The following CEP128 variants were observed in gnomAD, a reference collection of about 807,000 sequenced individuals.
CEP128 encodes centrosomal protein 128kDa.
In CEP128, 132 loss-of-function variants were observed where a neutral mutation model predicts 156.7. The observed-to-expected ratio is 0.84, with a 90% confidence interval of 0.73 to 0.97. The LOEUF is 0.97. CEP128 is among the 50% of genes least tolerant of loss of function. The pLI, the probability that CEP128 is intolerant of heterozygous loss-of-function variation, is 0.00. For missense variants in CEP128, 1,252 were observed against 1,281.9 expected (o/e 0.98, Z 0.36); for synonymous variants, 469 against 448.9 (o/e 1.04, Z -0.57).
chr14:80,785,727 A>G (rs1246339060), intron 14 of CEP128, among the ~76,000 whole-genome samples, 182 bp from the exon 15 acceptor site: 2 of 152,140 alleles, frequency 1.3e-5, no homozygotes, highest in Admixed American at 6.5e-5. Context: ...GTGGGGGGGA[A>G]TATATAATTG....
At chr14:80,518,187 G>C (rs770985745) in intron 23 of CEP128, among the ~76,000 whole-genome samples, 1 of 150,080 alleles carries the variant, frequency 6.7e-6, no homozygotes, top group Non-Finnish European at 1.5e-5. Context: ...TCAGGTGATA[G>C]ATGATTGACT....
intron 23 of CEP128, among the ~76,000 whole-genome samples, chr14:80,512,833 CA>C (rs1204867731): frequency 6.6e-6 from 1 of 151,982 alleles, no homozygotes; most frequent in Non-Finnish European, 1.5e-5. Context: ...AGCAAACTAA[CA>C]AACAAGCAAA....
intron 19 of CEP128, among the ~76,000 whole-genome samples, chr14:80,670,243 C>T (rs1895783519): frequency 6.6e-6 from 1 of 152,074 alleles, no homozygotes; most frequent in South Asian, 2.1e-4. Context: ...TATTACTATC[C>T]AAAAGAATCA....
At chr14:80,661,465 T>C (rs1160861057) in intron 19 of CEP128, among the ~76,000 whole-genome samples, 2 of 152,126 alleles carry the variant, frequency 1.3e-5, no homozygotes, top group East Asian at 3.9e-4. Flanking sequence ...GAGATACAGT[T>C]CTGATTGCGA....
At chr14:80,930,800 C>A (rs1014993016) in intron 2 of CEP128, among the ~76,000 whole-genome samples, 1 of 152,248 alleles carries the variant, frequency 6.6e-6, no homozygotes. Context: ...TGCATCTGTA[C>A]TGCGAGCATC....
intron 3 of CEP128, among the ~76,000 whole-genome samples, chr14:80,915,291 G>C (rs1483808066): frequency 6.6e-6 from 1 of 152,106 alleles, no homozygotes; most frequent in Non-Finnish European, 1.5e-5. Context: ...CAAAGTGCTA[G>C]GATTACAGGC....
intron 19 of CEP128, among the ~76,000 whole-genome samples, chr14:80,622,737 T>C (rs1238930508): frequency 6.6e-6 from 1 of 150,568 alleles, no homozygotes; most frequent in Non-Finnish European, 1.5e-5. Context: ...ATCAGAGAAA[T>C]GCAAATCAAA....
chr14:80,494,874 A>T (rs1887439886), downstream of CEP128, among the ~76,000 whole-genome samples: 1 of 152,192 alleles, frequency 6.6e-6, no homozygotes, highest in Non-Finnish European at 1.5e-5. Context: ...CTGGGTGCAT[A>T]AAACGTTACA....
intron 19 of CEP128, among the ~76,000 whole-genome samples, chr14:80,596,995 C>T (rs868084202): frequency 4.8e-5 from 7 of 144,798 alleles, no homozygotes; most frequent in Admixed American, 1.4e-4. Flanking sequence ...ATACCCTATG[C>T]TCCCACCTCA....
intron 8 of CEP128, among the ~76,000 whole-genome samples, chr14:80,894,860 C>T (rs1404661503): frequency 1.3e-5 from 2 of 151,804 alleles, no homozygotes; most frequent in East Asian, 3.9e-4. Flanking sequence ...CCAAAATGAA[C>T]TCAACATATC....
intron 21 of CEP128, among the ~76,000 whole-genome samples, chr14:80,556,541 A>T (rs1225639228): frequency 1.3e-5 from 2 of 152,144 alleles, no homozygotes; most frequent in Non-Finnish European, 2.9e-5. Flanking sequence ...ACGGGGAAAA[A>T]TGGGCATGTG....
In CEP128 at chr14:80,773,018, C is replaced by T. The variant is rs1005742802; in HGVS notation, c.2376+4864G>A. Among the ~76,000 whole-genome samples, 89 of 152,080 alleles carry T rather than the reference C, an allele frequency of 5.9e-4. 1 individual carries two copies. Among genetic ancestry groups the T allele is most frequent in the Non-Finnish European group, 8.8e-5 (6 of 68,018 alleles). On this transcript the variant is annotated intron_variant, in intron 16 of 24. Transcript: ENST00000555265. Reference sequence around the variant, plus strand: ...TTTGTAACAGAGGAAGCTCCATGTACGGAGGTGATTATGGGTGGATTAAAG... The same window carrying T: ...TTTGTAACAGAGGAAGCTCCATGTATGGAGGTGATTATGGGTGGATTAAAG...
At chr14:80,655,168 C>T (rs894102897) in intron 19 of CEP128, among the ~76,000 whole-genome samples, 3 of 152,034 alleles carry the variant, frequency 2.0e-5, no homozygotes, top group East Asian at 1.9e-4. Context: ...ACTGTCAAAC[C>T]CAGGCAGTGG....
chr14:80,572,278 A>G (rs547522430), intron 20 of CEP128, among the ~76,000 whole-genome samples: 1 of 152,206 alleles, frequency 6.6e-6, no homozygotes, highest in African/African-American at 2.4e-5. Flanking sequence ...TGAGAACTAC[A>G]GTTTCTTTTA....
chr14:80,788,459 A>G (rs1348019316), intron 14 of CEP128, among the ~76,000 whole-genome samples: 1 of 152,116 alleles, frequency 6.6e-6, no homozygotes, highest in East Asian at 1.9e-4. Flanking sequence ...TTAAACAAAC[A>G]AACAGAAACG....
At chr14:80,573,849 G>A (rs796935658) in intron 20 of CEP128, among the ~76,000 whole-genome samples, 3 of 152,312 alleles carry the variant, frequency 2.0e-5, no homozygotes, top group African/African-American at 7.2e-5. Context: ...ACCTCTGCCT[G>A]AAAGTGGCAA....
intron 19 of CEP128, among the ~76,000 whole-genome samples, chr14:80,679,172 ATG>A (rs1426776077): frequency 6.6e-6 from 1 of 152,188 alleles, no homozygotes; most frequent in African/African-American, 2.4e-5. Context: ...ATTGTAGAAC[ATG>A]TGTGTTTGAA....
chr14:80,862,521 T>G (rs892482483), intron 9 of CEP128, among the ~76,000 whole-genome samples: 9 of 152,208 alleles, frequency 5.9e-5, no homozygotes, highest in Non-Finnish European at 1.2e-4. Context: ...ATTTCCATTT[T>G]CCACAGACAA....
intron 9 of CEP128, among the ~76,000 whole-genome samples, chr14:80,856,954 G>A (rs1261213783): frequency 6.6e-6 from 1 of 151,236 alleles, no homozygotes; most frequent in Non-Finnish European, 1.5e-5. Context: ...CACCATGTTG[G>A]CCAGGCTGGT....
Sources: allele counts gnomAD v4.1 joint callset (sites outside exome capture counted in the v4.1 genomes callset), GRCh38; gene constraint gnomAD v4.1.1; transcripts MANE v1.5; gene names NCBI Gene and HGNC (gene_info 2026-07-23, HGNC 2026-07-21).